The following ALS2 variants were observed in gnomAD, a reference collection of about 807,000 sequenced individuals.
The protein encoded by ALS2 is alsin.
A neutral mutation model predicts 203.4 loss-of-function variants in ALS2; 117 were observed. The observed-to-expected ratio is 0.58, with a 90% confidence interval of 0.50 to 0.67. The LOEUF is 0.67. ALS2 is among the 30% of genes least tolerant of loss of function. The probability of loss-of-function intolerance (pLI) is 0.00; values close to 1 mark genes in which losing one functional copy is unlikely to be tolerated. For missense variants in ALS2, 1,715 were observed against 1,989.4 expected (o/e 0.86, Z 2.62); for synonymous variants, 718 against 725.9 (o/e 0.99, Z 0.17).
At chr2:201,742,945 C>T (rs1692378215) in intron 10 of ALS2, among the ~76,000 whole-genome samples, 1 of 151,832 alleles carries the variant, frequency 6.6e-6, no homozygotes, top group Non-Finnish European at 1.5e-5. Flanking sequence ...GTAGTGCACA[C>T]CTGTAGTCCC....
At position 201,704,196 on chromosome 2, in the gene ALS2, C is replaced by T. The variant is rs767012535; in HGVS notation, c.4861G>A (p.Val1621Ile). Reference protein sequence around the residue: ...RARIRNLGSEVHLIEDLMDPY... With the variant: ...RARIRNLGSEIHLIEDLMDPY... ...TCCATTAGATCCTCAATGAGGTGTACCTCAGAGCCTAAATTCCTAATCCTG... is the reference window on the plus strand; with the variant it reads ...TCCATTAGATCCTCAATGAGGTGTATCTCAGAGCCTAAATTCCTAATCCTG... Residue 1621 changes from valine to isoleucine, a missense_variant, in exon 33 of 34, where the codon GTA becomes ATA. This residue lies in a region of ALS2 where 1,227 missense variants were observed against 1,413.5 expected (regional missense o/e 0.87). Transcript: ENST00000264276. 32 of 1,613,944 alleles carry T rather than the reference C, an allele frequency of 2.0e-5. 1 individual carries two copies. The Admixed American group carries it at 5.0e-4, about 25-fold the overall frequency.
At chr2:201,778,761 T>C (rs1458499871) in intron 1 of ALS2, among the ~76,000 whole-genome samples, 1 of 152,166 alleles carries the variant, frequency 6.6e-6, no homozygotes, top group Non-Finnish European at 1.5e-5. Context: ...ACGTGGTAGA[T>C]TTAATTCCAC....
intron 7 of ALS2, 122 bp from the exon 8 acceptor site, chr2:201,749,911 T>C: frequency 1.3e-6 from 1 of 769,716 alleles, no homozygotes. Flanking sequence ...TAAGTACTTA[T>C]ATTAGTCTTT....
At position 201,760,687 on chromosome 2, in the gene ALS2, GAACA is replaced by G. The variant is rs934261753; in HGVS notation, c.1113+190_1113+193del. On this transcript the variant is annotated intron_variant, in intron 4 of 33. Coordinates refer to ENST00000264276, the MANE Select transcript of ALS2 (RefSeq NM_020919.4). ...CACCTTTCAATATCATAAAGGGCCA[GAACA>G]AACATAAAGAGTGATTTTGAATTAA... 22 of 1,402,366 alleles carry G rather than the reference GAACA, an allele frequency of 1.6e-5. No individual in the cohort carries two copies. In the African/African-American group the frequency reaches 2.9e-4, roughly 18 times the overall value. 86.9% of individuals were successfully genotyped at this position (1,402,366 alleles called of 1,614,324 possible). A position where few individuals can be genotyped will look rare whatever the true frequency, so the allele number is the denominator to read the frequency against.
chr2:201,768,804 T>C (rs938649429), intron 2 of ALS2, 62 bp downstream of exon 2: 62 of 1,478,104 alleles, frequency 4.2e-5, no homozygotes, highest in Non-Finnish European at 5.9e-5. Flanking sequence ...AAGCTACACA[T>C]ATGTGAAGCT....
At chr2:201,764,981 G>A (rs1042299615) in intron 3 of ALS2, among the ~76,000 whole-genome samples, 1 of 151,622 alleles carries the variant, frequency 6.6e-6, no homozygotes, top group African/African-American at 2.4e-5. Context: ...AAGATACCAT[G>A]TTTATAGTCG....
At chr2:201,777,054 ATG>A (rs1301558056) in intron 1 of ALS2, among the ~76,000 whole-genome samples, 2 of 152,220 alleles carry the variant, frequency 1.3e-5, no homozygotes, top group African/African-American at 4.8e-5. Flanking sequence ...TTGTAATAAA[ATG>A]TAACCAAGTT....
chr2:201,761,318 T>G lies in ALS2; in HGVS notation c.676A>C (p.Lys226Gln). 3 of 1,614,118 alleles carry G rather than the reference T, an allele frequency of 1.9e-6. No homozygotes were observed. Among genetic ancestry groups the G allele is most frequent in the Non-Finnish European group, 2.5e-6 (3 of 1,180,016 alleles). The change falls in exon 4 of 34, where the codon AAG (lysine) becomes CAG (glutamine). Residue 226 changes from lysine to glutamine, a missense_variant. Lys to Gln is a moderately conservative substitution (Grantham distance 53). Coordinates refer to ENST00000264276, the MANE Select transcript of ALS2 (RefSeq NM_020919.4). Reference protein sequence around the residue: ...LVQCLPSQDLKPVPERCNQCS... With the variant: ...LVQCLPSQDLQPVPERCNQCS... ...TGGTTGCATCGTTCTGGGACTGGCTTCAGATCCTGGGAAGGGAGGCATTGT... is the reference window on the plus strand; with the variant it reads ...TGGTTGCATCGTTCTGGGACTGGCTGCAGATCCTGGGAAGGGAGGCATTGT...
At chr2:201,728,844 AAAG>A (rs906386550) in intron 14 of ALS2, among the ~76,000 whole-genome samples, 1 of 152,184 alleles carries the variant, frequency 6.6e-6, no homozygotes, top group African/African-American at 2.4e-5. Flanking sequence ...AAAACAAACT[AAAG>A]AAGGTGAGTA....
intron 8 of ALS2, among the ~76,000 whole-genome samples, chr2:201,747,811 A>G (rs1335096371): frequency 1.3e-5 from 2 of 152,170 alleles, no homozygotes; most frequent in Non-Finnish European, 2.9e-5. Flanking sequence ...TTTGAGAACC[A>G]CTGCCTTTAA....
chr2:201,760,968 G>A lies in ALS2; in HGVS notation c.1026C>T (p.Thr342=), dbSNP rs911504819. Residue 342 remains threonine, a synonymous_variant, in exon 4 of 34, where the codon ACC becomes ACT. Coordinates refer to ENST00000264276, the MANE Select transcript of ALS2 (RefSeq NM_020919.4). ...TCCGTAGGTATTCATTGACTGCTTGGGTGTCAGGGTATGATGGTATGTTTC... is the reference window on the plus strand; with the variant it reads ...TCCGTAGGTATTCATTGACTGCTTGAGTGTCAGGGTATGATGGTATGTTTC... ...SARNIPSYPD[T]QAVNEYLRKL... 1 of 1,614,088 alleles carries A rather than the reference G, an allele frequency of 6.2e-7. No homozygotes were observed. The highest frequency in any genetic ancestry group is 1.1e-5 in the South Asian group (1 of 91,078).
intron 23 of ALS2, among the ~76,000 whole-genome samples, chr2:201,719,513 C>G (rs1308913451): frequency 1.3e-5 from 2 of 152,234 alleles, no homozygotes; most frequent in African/African-American, 4.8e-5. Context: ...CGCTTGAACC[C>G]AGGAGGTGGA....
intron 3 of ALS2, among the ~76,000 whole-genome samples, chr2:201,764,588 C>T (rs758940709): frequency 7.9e-5 from 12 of 151,644 alleles, no homozygotes; most frequent in East Asian, 5.8e-4. Context: ...GAGCTGAGAT[C>T]GTGCCACCAC....
Position 201,726,661 on chromosome 2 carries a change from C to T in ALS2, c.3182+3G>A. The T allele has an allele frequency of 1.9e-6, 3 of 1,614,102 alleles. No homozygotes were observed. The highest frequency in any genetic ancestry group is 1.1e-5 in the South Asian group (1 of 91,068). On this transcript the variant is annotated splice_donor_region_variant and intron_variant, in intron 18 of 33. Transcript: ENST00000264276. ...CCCAGGCATAAATCTTCAACATTTT[C>T]ACCTGCCATGAGGCTTCCCTGAAAG... is the stretch of plus-strand genomic sequence containing the variant.
chr2:201,740,971 T>C (rs1692229176), intron 11 of ALS2, among the ~76,000 whole-genome samples: 1 of 152,114 alleles, frequency 6.6e-6, no homozygotes, highest in Non-Finnish European at 1.5e-5. Flanking sequence ...GCACTCAGTG[T>C]TTGCTGGATG....
Position 201,700,641 on chromosome 2 carries a change from ATAAAG to A in ALS2, c.*1205_*1209del, listed in dbSNP as rs1689326807. ...ATTTTAATAAACACTTGTCTTGATT[ATAAAG>A]TAGAGCAAAAACCATGATCCTTTTT... On this transcript the variant is annotated 3_prime_UTR_variant, in exon 34 of 34. Transcript: ENST00000264276. The A allele has an allele frequency of 6.5e-6, 1 of 152,680 alleles. No individual in the cohort carries two copies. The highest frequency in any genetic ancestry group is 6.5e-5 in the Admixed American group (1 of 15,284). 9.5% of individuals were successfully genotyped at this position (152,680 alleles called of 1,614,324 possible). A position where few individuals can be genotyped will look rare whatever the true frequency, so the allele number is the denominator to read the frequency against.
chr2:201,724,497 T>C (rs1691022887), intron 20 of ALS2, 38 bp from the exon 21 acceptor site: 1 of 1,605,888 alleles, frequency 6.2e-7, no homozygotes. Flanking sequence ...CACATGCACA[T>C]TGAATTCTGA....
At chr2:201,758,461 C>T (rs991627140) in intron 4 of ALS2, among the ~76,000 whole-genome samples, 1 of 152,080 alleles carries the variant, frequency 6.6e-6, no homozygotes, top group African/African-American at 2.4e-5. Flanking sequence ...AATAATTAAA[C>T]ATTTGGAACC....
intron 13 of ALS2, among the ~76,000 whole-genome samples, 158 bp from the exon 14 acceptor site, chr2:201,729,341 G>A (rs1691399644): frequency 6.6e-6 from 1 of 152,118 alleles, no homozygotes; most frequent in African/African-American, 2.4e-5. Context: ...GGGAAAAGGA[G>A]ATTGGTTTCA....
Sources: gnomAD v4.1 joint callset for allele counts (sites outside exome capture counted in the v4.1 genomes callset) on GRCh38, gnomAD v4.1.1 for gene constraint, gnomAD v4.1.1 regional missense constraint, MANE v1.5 for transcripts, NCBI Gene and HGNC (gene_info 2026-07-23, HGNC 2026-07-21) for gene names.